The following A2ML1 variants were observed in gnomAD, a reference collection of about 807,000 sequenced individuals.
A2ML1 encodes the protein alpha-2-macroglobulin-like protein 1.
In A2ML1, 161 loss-of-function variants were observed where a neutral mutation model predicts 181.9. The ratio of observed to expected loss-of-function variants is 0.89; its 90% confidence interval spans 0.78 to 1.01. The LOEUF is 1.01. Among genes scored for constraint, A2ML1 ranks in the 50% least tolerant of loss-of-function variants. The probability of loss-of-function intolerance (pLI) is 0.00; values close to 1 mark genes in which losing one functional copy is unlikely to be tolerated. For synonymous variants in A2ML1, 663 were observed against 666.8 expected (o/e 0.99, Z 0.09); for missense variants, 1,670 against 1,768.1 (o/e 0.94, Z 1.00).
intron 10 of A2ML1, among the ~76,000 whole-genome samples, chr12:8,840,158 G>A (rs1421877357): frequency 6.6e-6 from 1 of 151,910 alleles, no homozygotes; most frequent in East Asian, 2.0e-4. Flanking sequence ...CCAAGAGTTC[G>A]AGACCAGCCT....
intron 3 of A2ML1, among the ~76,000 whole-genome samples, chr12:8,824,221 GGTTT>G (rs1393259181): frequency 2.0e-4 from 27 of 136,384 alleles, no homozygotes; most frequent in African/African-American, 7.2e-4. Context: ...GAGCTACTGG[GGTTT>G]TTTTTTTTTT....
intron 11 of A2ML1, among the ~76,000 whole-genome samples, chr12:8,842,421 G>A (rs753793980): frequency 2.6e-4 from 39 of 152,016 alleles, no homozygotes; most frequent in African/African-American, 5.8e-4. Flanking sequence ...GGGTTTCACT[G>A]TGTTAGCCAG....
At chr12:8,835,424 C>T (rs1943239865) in intron 5 of A2ML1, 83 bp from the exon 6 acceptor site, 2 of 1,567,800 alleles carry the variant, frequency 1.3e-6, no homozygotes, top group Non-Finnish European at 1.7e-6. Flanking sequence ...TTTTTACCTG[C>T]CTTTTGCTTC....
intron 12 of A2ML1, chr12:8,844,876 C>G: frequency 2.9e-6 from 2 of 684,102 alleles, no homozygotes; most frequent in Non-Finnish European, 3.9e-6. Context: ...GTCCAAGGAA[C>G]CGACCTTGGA....
At chr12:8,883,980 T>C (rs1179360765) in intron 7 of A2ML1, among the ~76,000 whole-genome samples, 3 of 151,956 alleles carry the variant, frequency 2.0e-5, no homozygotes, top group Non-Finnish European at 2.9e-5. Flanking sequence ...GAGGCAGGGT[T>C]TCGCCATGTT....
At position 8,867,647 on chromosome 12, in the gene A2ML1, GA is replaced by G. The variant is rs11349715; in HGVS notation, c.3718-182del. 0.11 allele frequency among the ~76,000 whole-genome samples: 15,376 copies of G among 137,852 alleles called. 981 individuals carry two copies. Among genetic ancestry groups the G allele is most frequent in the African/African-American group, 0.18 (6,886 of 37,776 alleles). The allele number at this position is 137,852 out of a possible 152,430, so 90.4% of individuals were successfully genotyped here. A position where few individuals can be genotyped will look rare whatever the true frequency, so the allele number is the denominator to read the frequency against. ...GGGCAACAAAAGCAAAACTCCATCT[GA>G]AAAAAAAAAAAAGCAAGCTACTGTG... On this transcript the variant is annotated intron_variant, in intron 29 of 35. Coordinates refer to ENST00000299698, the MANE Select transcript of A2ML1 (RefSeq NM_144670.6).
At chr12:8,886,806 C>T (rs1944925460) in exon 8 of A2ML1, 3 of 152,084 alleles carry the variant, frequency 2.0e-5, no homozygotes, top group East Asian at 1.9e-4. Flanking sequence ...ACTTTAAAGG[C>T]CCTGTCTCCA....
At chr12:8,868,510 C>G in intron 31 of A2ML1, 27 bp from the exon 32 acceptor site, 1 of 1,611,508 alleles carries the variant, frequency 6.2e-7, no homozygotes, top group Non-Finnish European at 8.5e-7. Flanking sequence ...AATAGGCTCA[C>G]ATGTGTTTTC....
chr12:8,833,878 C>T (rs1943193454), intron 4 of A2ML1, among the ~76,000 whole-genome samples: 1 of 152,010 alleles, frequency 6.6e-6, no homozygotes, highest in Admixed American at 6.6e-5. Context: ...ACTATCAAGG[C>T]TGATATTTGT....
At position 8,836,323 on chromosome 12, in the gene A2ML1, G is replaced by A. The variant is rs200465216; in HGVS notation, c.712G>A (p.Val238Ile). 4.1e-5 allele frequency: 66 copies of A among 1,614,022 alleles called. No homozygotes were observed. The African/African-American group carries it at 7.9e-4, about 19-fold the overall frequency. The change falls in exon 7 of 36, where the codon GTA becomes ATA. Residue 238 changes from valine to isoleucine, a missense_variant. Coordinates refer to ENST00000299698, the MANE Select transcript of A2ML1 (RefSeq NM_144670.6). The part of the protein sequence containing the change: ...ELSTVQESFL[V>I]KICCRYTYGK... ...ATCAACGGTGCAGGAATCTTTCTTA[G>A]TAAAAATTTGTTGTAGGTAAGAGCA...
rs1942829201 is a variant in A2ML1, at chr12:8,823,782, TAACATC to T, written c.311_316del (p.Asn104_Ile105del). The T allele has an allele frequency of 6.2e-6, 10 of 1,613,966 alleles. No homozygotes were observed. The highest frequency in any genetic ancestry group is 8.5e-6 in the Non-Finnish European group (10 of 1,180,002). On this transcript the variant is annotated inframe_deletion, in exon 3 of 36. Coordinates refer to ENST00000299698, the MANE Select transcript of A2ML1 (RefSeq NM_144670.6). Reference sequence around the variant, plus strand: ...CAATCCGGGTGTCGGGAGTTGGAAATAACATCAGCTTTGAGGAGAAGAAAAAGGTTC... The same window carrying T: ...CAATCCGGGTGTCGGGAGTTGGAAATAGCTTTGAGGAGAAGAAAAAGGTTC...
intron 26 of A2ML1, among the ~76,000 whole-genome samples, chr12:8,860,071 C>A (rs1344691810): frequency 2.0e-5 from 3 of 152,098 alleles, no homozygotes; most frequent in Non-Finnish European, 4.4e-5. Flanking sequence ...GACAGGGTCT[C>A]ACTCTGTCAC....
At chr12:8,837,407 C>G (rs1456785925) in intron 7 of A2ML1, 33 bp from the exon 8 acceptor site, 2 of 1,609,826 alleles carry the variant, frequency 1.2e-6, no homozygotes, top group South Asian at 2.2e-5. Context: ...GTGGAATTTC[C>G]CAACTCTGAC....
chr12:8,831,435 A>G (rs1943110875), intron 4 of A2ML1, among the ~76,000 whole-genome samples: 1 of 152,194 alleles, frequency 6.6e-6, no homozygotes, highest in Admixed American at 6.5e-5. Flanking sequence ...TTCTGCAGTT[A>G]GGCTCTTTCT....
chr12:8,854,983 C>G (rs1944015239), intron 22 of A2ML1, 152 bp downstream of exon 22: 1 of 776,688 alleles, frequency 1.3e-6, no homozygotes, highest in Non-Finnish European at 2.1e-6. Flanking sequence ...CAACCTCTGC[C>G]TCCCGGGTTC....
intron 13 of A2ML1, among the ~76,000 whole-genome samples, chr12:8,845,860 A>ATAAAT (rs60340954): frequency 5.5e-5 from 3 of 54,632 alleles, no homozygotes; most frequent in Non-Finnish European, 1.1e-4. Flanking sequence ...AAAAAAAAAA[A>ATAAAT]AAAATAAATA....
chr12:8,845,743 G>C (rs1008667111), intron 13 of A2ML1, among the ~76,000 whole-genome samples: 2 of 151,468 alleles, frequency 1.3e-5, no homozygotes, highest in Non-Finnish European at 3.0e-5. Flanking sequence ...CCAGCTACTC[G>C]GGAGGCTGAG....
chr12:8,855,504 C>T lies in A2ML1; in HGVS notation c.2765-5C>T. ...TTGTGTCACCTTTTTTTCTGCATCT[C>T]ACAGGAAAGGTGGCATCTGAATCTG... On this transcript the variant is annotated splice_polypyrimidine_tract_variant and splice_region_variant and intron_variant, in intron 22 of 35. Transcript: ENST00000299698. 6.2e-7 allele frequency: 1 copy of T among 1,613,670 alleles called. No homozygotes were observed. The highest frequency in any genetic ancestry group is 1.7e-5 in the Admixed American group (1 of 59,892).
At chr12:8,823,483 T>C in intron 2 of A2ML1, 118 bp downstream of exon 2, 1 of 1,267,638 alleles carries the variant, frequency 7.9e-7, no homozygotes, top group Non-Finnish European at 1.1e-6. Context: ...TCTAAACCTA[T>C]TTTTTCTCAA....
Sources: gnomAD v4.1 joint callset for allele counts (sites outside exome capture counted in the v4.1 genomes callset) on GRCh38, gnomAD v4.1.1 for gene constraint, MANE v1.5 for transcripts, NCBI Gene and HGNC (gene_info 2026-07-23, HGNC 2026-07-21) for gene names.